PDE4D: variants seen among roughly 807,000 people sequenced by gnomAD.
PDE4D encodes phosphodiesterase 4D.
In PDE4D, 24 loss-of-function variants were observed where a neutral mutation model predicts 87.4. The observed-to-expected ratio is 0.27, with a 90% CI of 0.20 to 0.39. The LOEUF is 0.39. PDE4D is among the 10% of genes least tolerant of loss of function. The pLI, the probability that PDE4D is intolerant of heterozygous loss-of-function variation, is 1.00. For synonymous variants in PDE4D, 384 were observed against 383.2 expected, an observed-to-expected ratio of 1.00 and a Z score of -0.02; for missense variants, 714 against 1,041.0, an observed-to-expected ratio of 0.69 and a Z score of 4.32.
chr5:59,302,315 G>C (rs537058415), intron 1 of PDE4D, among the ~76,000 whole-genome samples: 15 of 151,564 alleles, frequency 9.9e-5, no homozygotes, highest in African/African-American at 3.4e-4. Context: ...TTTTCCACTT[G>C]GTCCCTTCCG....
chr5:60,500,623 T>C (rs886711636), intron 1 of PDE4D, among the ~76,000 whole-genome samples: 2 of 152,226 alleles, frequency 1.3e-5, no homozygotes, highest in Non-Finnish European at 2.9e-5. Flanking sequence ...AAAAATTCCA[T>C]GGAGGACTAA....
At chr5:59,565,225 A>C (rs1458675588) in intron 1 of PDE4D, among the ~76,000 whole-genome samples, 1 of 152,140 alleles carries the variant, frequency 6.6e-6, no homozygotes, top group African/African-American at 2.4e-5. Flanking sequence ...TACACTATTT[A>C]GAAAGTTACT....
chr5:59,676,266 C>T (rs1254700507), intron 1 of PDE4D, among the ~76,000 whole-genome samples: 1 of 152,140 alleles, frequency 6.6e-6, no homozygotes, highest in Non-Finnish European at 1.5e-5. Flanking sequence ...CATATGGTTG[C>T]ATACTTAGAG....
At chr5:58,999,077 C>T (rs573646080) in intron 6 of PDE4D, among the ~76,000 whole-genome samples, 3 of 152,162 alleles carry the variant, frequency 2.0e-5, no homozygotes, top group East Asian at 3.9e-4. Context: ...ACGTATTCCT[C>T]GTCAGGTTAA....
intron 5 of PDE4D, among the ~76,000 whole-genome samples, chr5:59,175,563 C>A (rs533625034): frequency 6.7e-6 from 1 of 148,272 alleles, no homozygotes; most frequent in Non-Finnish European, 1.5e-5. Flanking sequence ...CTCACTGCAA[C>A]CTCCGCCCTC....
intron 1 of PDE4D, among the ~76,000 whole-genome samples, chr5:60,298,579 T>C (rs2149787940): frequency 6.6e-6 from 1 of 152,298 alleles, no homozygotes; most frequent in Admixed American, 6.5e-5. Context: ...CTAATTTCCC[T>C]CCCACTCTAA....
chr5:59,275,579 A>G, intron 1 of PDE4D: 1 of 1,387,338 alleles, frequency 7.2e-7, no homozygotes, highest in Non-Finnish European at 9.3e-7. Flanking sequence ...GCAAGGTTCT[A>G]ACACGCAGGA....
At chr5:59,822,887 A>G (rs2152690119) in intron 1 of PDE4D, among the ~76,000 whole-genome samples, 1 of 152,332 alleles carries the variant, frequency 6.6e-6, no homozygotes, top group South Asian at 2.1e-4. Context: ...AATGGCCGGT[A>G]AGCAGTAGGG....
intron 2 of PDE4D, among the ~76,000 whole-genome samples, chr5:60,025,390 T>C (rs965438648): frequency 1.3e-5 from 2 of 152,192 alleles, no homozygotes; most frequent in Non-Finnish European, 2.9e-5. Context: ...CCCAAAGTTT[T>C]GAGCTTCTTG....
intron 5 of PDE4D, among the ~76,000 whole-genome samples, chr5:59,148,442 T>TA (rs775028080): frequency 1.9e-4 from 29 of 152,148 alleles, no homozygotes; most frequent in Non-Finnish European, 3.2e-4. Flanking sequence ...ATGGAGATAA[T>TA]AAAAAACATC....
chr5:58,988,533 T>C lies in PDE4D; in HGVS notation c.1512A>G (p.Val504=). Residue 504 remains valine (V), a synonymous_variant, in exon 11 of 15, where the codon GTA becomes GTG. Coordinates refer to ENST00000340635, the MANE Select transcript of PDE4D (RefSeq NM_001104631.2). The part of the protein sequence containing the change: ...AAIFASAIHD[V]DHPGVSNQFL... ...ATTGATTGGACACACCAGGATGATC[T>C]ACATCATGTATTGCACTGGCAAAAA... 1 of 1,507,052 alleles carries C rather than the reference T, an allele frequency of 6.6e-7. No individual in the cohort carries two copies. The highest frequency in any genetic ancestry group is 2.5e-5 in the East Asian group (1 of 40,352). The allele number at this position is 1,507,052 out of a possible 1,614,324, so 93.4% of individuals were successfully genotyped here. A position where few individuals can be genotyped will look rare whatever the true frequency, so the allele number is the denominator to read the frequency against.
At chr5:60,459,002 T>TGG (rs1554039292) in intron 1 of PDE4D, among the ~76,000 whole-genome samples, 3 of 150,182 alleles carry the variant, frequency 2.0e-5, no homozygotes, top group Non-Finnish European at 4.4e-5. Flanking sequence ...TGTGTGTGTG[T>TGG]TGTGTGTGTG....
chr5:59,429,508 A>C (rs1373299423), intron 1 of PDE4D, among the ~76,000 whole-genome samples: 1 of 152,142 alleles, frequency 6.6e-6, no homozygotes, highest in Non-Finnish European at 1.5e-5. Context: ...GAAAAAGAAA[A>C]GTAGAAGAGT....
chr5:59,942,808 G>C (rs1358975499), intron 3 of PDE4D, among the ~76,000 whole-genome samples: 1 of 137,282 alleles, frequency 7.3e-6, no homozygotes, highest in African/African-American at 2.7e-5. Flanking sequence ...GGCTTTGCAA[G>C]GGAGACAAGA....
chr5:59,488,238 C>T (rs546539728), intron 1 of PDE4D, among the ~76,000 whole-genome samples: 107 of 151,228 alleles, frequency 7.1e-4, no homozygotes, highest in Middle Eastern at 7.0e-3. Context: ...AAAGTGTTGC[C>T]ATTTCTAAGG....
intron 2 of PDE4D, among the ~76,000 whole-genome samples, chr5:60,142,592 C>G (rs1240702609): frequency 2.0e-5 from 3 of 152,144 alleles, no homozygotes; most frequent in East Asian, 1.9e-4. Flanking sequence ...AGGGTTCTGA[C>G]AGCAGAAAGA....
At chr5:60,128,351 G>C (rs888245055) in intron 2 of PDE4D, among the ~76,000 whole-genome samples, 5 of 152,238 alleles carry the variant, frequency 3.3e-5, no homozygotes. Context: ...GCGAGTGGCA[G>C]AGAGTCAATG....
chr5:59,771,435 A>AAGAG, intron 1 of PDE4D, among the ~76,000 whole-genome samples: 1 of 81,654 alleles, frequency 1.2e-5, no homozygotes, highest in East Asian at 3.3e-4. Context: ...GAAAAAGAAA[A>AAGAG]AGAAAGAAAG....
At chr5:59,411,473 G>A (rs7735572) in intron 1 of PDE4D, among the ~76,000 whole-genome samples, 25,781 of 152,100 alleles carry the variant, frequency 0.17, 2,918 homozygotes, top group African/African-American at 0.31. Context: ...ACAGTAATAC[G>A]TTTTGTCAGT....
Sources: gnomAD v4.1 joint callset for allele counts (sites outside exome capture counted in the v4.1 genomes callset) on GRCh38, gnomAD v4.1.1 for gene constraint, MANE v1.5 for transcripts, NCBI Gene and HGNC (gene_info 2026-07-23, HGNC 2026-07-21) for gene names.